The following ACOXL variants were observed in gnomAD, a reference collection of about 807,000 sequenced individuals.
ACOXL encodes the protein acyl-CoA oxidase like.
ACOXL carries 70 observed loss-of-function variants against 71.9 expected under a neutral mutation model. That is an observed-to-expected ratio of 0.97 (90% confidence interval 0.80 to 1.19). ACOXL has a LOEUF of 1.19. ACOXL is among the 50% of genes most tolerant of loss of function. The probability of loss-of-function intolerance (pLI) is 0.00; values close to 1 mark genes in which losing one functional copy is unlikely to be tolerated. For missense variants in ACOXL, 703 were observed against 736.3 expected (o/e 0.95, Z 0.52); for synonymous variants, 253 against 281.6 (o/e 0.90, Z 1.02).
At chr2:110,785,139 C>T (rs1286737077) in intron 3 of ACOXL, among the ~76,000 whole-genome samples, 1 of 152,256 alleles carries the variant, frequency 6.6e-6, no homozygotes, top group East Asian at 1.9e-4. Flanking sequence ...AAGATCGATT[C>T]ATATTGTGTG....
chr2:110,841,267 G>T, intron 9 of ACOXL, 104 bp from the exon 10 acceptor site: 2 of 821,600 alleles, frequency 2.4e-6, no homozygotes, highest in Non-Finnish European at 3.9e-6. Flanking sequence ...GGGCATTTTA[G>T]AAAATCTTTA....
In ACOXL at chr2:111,045,444, G is replaced by T. The variant is rs1034282364; in HGVS notation, c.1370-3774G>T. Among the ~76,000 whole-genome samples the T allele has an allele frequency of 2.6e-5, 4 of 152,296 alleles. No individual in the cohort carries two copies. The South Asian group carries it at 8.3e-4, about 32-fold the overall frequency. ...TGAGTGAGTTCTCATGAGATCTGAT[G>T]GTTTTATAAGGGGCTTTTCCCCCTT... On this transcript the variant is annotated intron_variant, in intron 15 of 17. Transcript: ENST00000439055.
intron 13 of ACOXL, among the ~76,000 whole-genome samples, chr2:110,994,715 C>T (rs542113737): frequency 6.6e-6 from 1 of 152,318 alleles, no homozygotes; most frequent in African/African-American, 2.4e-5. Context: ...CTTAACTCCT[C>T]TGTGCCTCAG....
At chr2:110,821,277 C>G (rs1688564928) in intron 9 of ACOXL, among the ~76,000 whole-genome samples, 1 of 151,670 alleles carries the variant, frequency 6.6e-6, no homozygotes. Context: ...TACTTTCTCT[C>G]TCTCTCTCTT....
intron 14 of ACOXL, among the ~76,000 whole-genome samples, chr2:111,031,326 A>G (rs2065253083): frequency 1.3e-5 from 2 of 152,192 alleles, no homozygotes; most frequent in South Asian, 2.1e-4. Context: ...AAGTGACCCA[A>G]TCAGAACAGC....
At chr2:111,109,261 GATGTT>G (rs1427012527) in intron 17 of ACOXL, among the ~76,000 whole-genome samples, 1 of 152,206 alleles carries the variant, frequency 6.6e-6, no homozygotes, top group Non-Finnish European at 1.5e-5. Context: ...TTTATGGACT[GATGTT>G]ATGAATAAGA....
rs972007724 is a variant in ACOXL, at chr2:110,769,914, AC to A, written c.75+1452del. On this transcript the variant is annotated intron_variant, in intron 2 of 17. Transcript: ENST00000439055. ...ATACTAGCCAGGCATGGTGGCCCAC[AC>A]CTGTAGTACCAGCTACTTGGGACGC... 9.5e-4 allele frequency among the ~76,000 whole-genome samples: 144 copies of A among 151,882 alleles called. 1 individual carries two copies. Among genetic ancestry groups the A allele is most frequent in the African/African-American group, 3.3e-3 (137 of 41,392 alleles).
chr2:110,877,107 C>T (rs1433305737), intron 10 of ACOXL, among the ~76,000 whole-genome samples: 1 of 152,192 alleles, frequency 6.6e-6, no homozygotes, highest in East Asian at 1.9e-4. Flanking sequence ...TGAATGAAAG[C>T]AGAATGCTCA....
At chr2:111,031,566 T>A in intron 14 of ACOXL, 61 bp from the exon 15 acceptor site, 1 of 1,475,302 alleles carries the variant, frequency 6.8e-7, no homozygotes, top group Admixed American at 1.7e-5. Flanking sequence ...TCTGTCTTGC[T>A]ATTAAGTTAG....
intron 17 of ACOXL, among the ~76,000 whole-genome samples, chr2:111,111,334 A>G (rs2069941414): frequency 6.6e-6 from 1 of 152,138 alleles, no homozygotes; most frequent in Non-Finnish European, 1.5e-5. Flanking sequence ...TCCTGAGCTC[A>G]AGCAATCCAC....
At chr2:111,004,681 T>C (rs1467768269) in intron 14 of ACOXL, among the ~76,000 whole-genome samples, 1 of 152,158 alleles carries the variant, frequency 6.6e-6, no homozygotes, top group African/African-American at 2.4e-5. Context: ...AAACAATGGC[T>C]TGTCATCCAG....
chr2:110,924,209 A>T (rs968315197), intron 11 of ACOXL, among the ~76,000 whole-genome samples: 20 of 152,260 alleles, frequency 1.3e-4, no homozygotes, highest in Admixed American at 4.6e-4. Flanking sequence ...TCAGTGAGTT[A>T]CTCTTTTTGC....
intron 11 of ACOXL, among the ~76,000 whole-genome samples, chr2:110,919,299 C>A (rs1464401014): frequency 6.6e-6 from 1 of 151,306 alleles, no homozygotes; most frequent in African/African-American, 2.4e-5. Context: ...AGCAAACTAA[C>A]ACAGGAACAG....
chr2:111,088,612 C>T (rs1203355794), intron 16 of ACOXL, among the ~76,000 whole-genome samples: 4 of 152,066 alleles, frequency 2.6e-5, no homozygotes, highest in African/African-American at 7.2e-5. Flanking sequence ...AGGGGAACAA[C>T]AGACACCGGG....
chr2:111,083,384 T>C (rs549877937), intron 16 of ACOXL, among the ~76,000 whole-genome samples: 29 of 151,910 alleles, frequency 1.9e-4, no homozygotes, highest in Non-Finnish European at 3.7e-4. Context: ...AAATACAGAT[T>C]AAAATCAGCA....
At chr2:111,098,114 TGAAAA>T (rs948360067) in intron 17 of ACOXL, among the ~76,000 whole-genome samples, 2 of 152,208 alleles carry the variant, frequency 1.3e-5, no homozygotes, top group Admixed American at 6.5e-5. Flanking sequence ...TGTGATATGA[TGAAAA>T]GAACACTTCC....
At chr2:111,082,838 G>C (rs2149982458) in intron 16 of ACOXL, among the ~76,000 whole-genome samples, 1 of 152,284 alleles carries the variant, frequency 6.6e-6, no homozygotes, top group South Asian at 2.1e-4. Flanking sequence ...TATACACCAT[G>C]GAATACTATG....
chr2:110,780,377 A>G (rs1482007784), intron 2 of ACOXL, among the ~76,000 whole-genome samples: 1 of 152,240 alleles, frequency 6.6e-6, no homozygotes, highest in Non-Finnish European at 1.5e-5. Context: ...AACCATTTTC[A>G]AAAACTGTTT....
At chr2:110,899,628 A>G (rs992421157) in intron 10 of ACOXL, among the ~76,000 whole-genome samples, 1 of 152,176 alleles carries the variant, frequency 6.6e-6, no homozygotes, top group Non-Finnish European at 1.5e-5. Context: ...TAAAATATGA[A>G]ATTAATACAA....
Sources: gnomAD v4.1 joint callset for allele counts (sites outside exome capture counted in the v4.1 genomes callset) on GRCh38, gnomAD v4.1.1 for gene constraint, MANE v1.5 for transcripts, NCBI Gene and HGNC (gene_info 2026-07-23, HGNC 2026-07-21) for gene names.